The following CPLX2 variants were observed in gnomAD, a reference collection of about 807,000 sequenced individuals.
CPLX2 encodes the protein complexin-2.
CPLX2 carries 5 observed loss-of-function variants against 16.3 expected under a neutral mutation model. The observed-to-expected ratio is 0.31, with a 90% CI of 0.16 to 0.64. CPLX2 has a LOEUF of 0.64. Ranked by LOEUF, CPLX2 falls within the 30% of genes least tolerant of loss-of-function variation. CPLX2 has a pLI of 0.79. For synonymous variants in CPLX2, 89 were observed against 73.2 expected, an observed-to-expected ratio of 1.22 and a Z score of -1.10; for missense variants, 144 against 181.4, an observed-to-expected ratio of 0.79 and a Z score of 1.18.
intron 2 of CPLX2, among the ~76,000 whole-genome samples, chr5:175,854,238 T>C (rs985730581): frequency 6.6e-6 from 1 of 152,194 alleles, no homozygotes; most frequent in Non-Finnish European, 1.5e-5. Context: ...CAGTGAGAAC[T>C]CTTTTCCTTT....
chr5:175,854,806 A>G (rs1759221399), intron 2 of CPLX2, among the ~76,000 whole-genome samples: 1 of 152,200 alleles, frequency 6.6e-6, no homozygotes, highest in Non-Finnish European at 1.5e-5. Context: ...AAACAGGTGT[A>G]CCATGATCCA....
At chr5:175,862,260 C>G (rs533295255) in intron 2 of CPLX2, among the ~76,000 whole-genome samples, 6 of 152,352 alleles carry the variant, frequency 3.9e-5, no homozygotes, top group Admixed American at 2.6e-4. Context: ...AGCTCACAAT[C>G]TAGTAGGGAA....
At chr5:175,871,191 G>C (rs1759583434), upstream of CPLX2, among the ~76,000 whole-genome samples, 1 of 151,790 alleles carries the variant, frequency 6.6e-6, no homozygotes, top group Non-Finnish European at 1.5e-5. Flanking sequence ...CACTCCTCAG[G>C]AGCAGCAAGC....
At chr5:175,869,538 A>G (rs1302454572), upstream of CPLX2, among the ~76,000 whole-genome samples, 1 of 151,766 alleles carries the variant, frequency 6.6e-6, no homozygotes, top group Non-Finnish European at 1.5e-5. Context: ...CAATAGTACT[A>G]CTCTTCCGCT....
chr5:175,835,717 TTATTTATTTAC>T (rs1758817480), intron 2 of CPLX2, among the ~76,000 whole-genome samples: 1 of 147,988 alleles, frequency 6.8e-6, no homozygotes, highest in Admixed American at 6.8e-5. Context: ...ATTTATTTAT[TTATTTATTTAC>T]TTTTTTTTTT....
At chr5:175,821,240 C>T (rs1758502260) in intron 2 of CPLX2, among the ~76,000 whole-genome samples, 1 of 152,074 alleles carries the variant, frequency 6.6e-6, no homozygotes, top group Non-Finnish European at 1.5e-5. Context: ...CAGAGACCCT[C>T]AGCTCTACGC....
At chr5:175,825,497 G>C (rs1758596461) in intron 2 of CPLX2, among the ~76,000 whole-genome samples, 1 of 152,130 alleles carries the variant, frequency 6.6e-6, no homozygotes. Context: ...CTTCCAAGCT[G>C]GCAGAAGCCA....
chr5:175,803,984 A>G (rs1187918963), intron 1 of CPLX2, among the ~76,000 whole-genome samples: 2 of 152,220 alleles, frequency 1.3e-5, no homozygotes, highest in African/African-American at 2.4e-5. Context: ...ACATAAGGCC[A>G]CCAGGACTGG....
At position 175,878,996 on chromosome 5, in the gene CPLX2, G is replaced by C. The variant is rs199844563; in HGVS notation, c.120G>C (p.Ala40=). 3.4e-5 allele frequency: 55 copies of C among 1,599,210 alleles called. No individual in the cohort carries two copies. The Middle Eastern group carries it at 1.2e-3, about 35-fold the overall frequency. ...AAAAGGAGGAGGAGCGGCAGGAGGC[G>C]CTGCGGCAGCAGGAGGAGGAGCGTA... is the stretch of plus-strand genomic sequence containing the variant. ...AQKKEEERQE[A]LRQQEEERKA... The change falls in exon 3 of 4, where the codon GCG becomes GCC. Residue 40 remains alanine, a synonymous_variant. Coordinates refer to ENST00000393745, the MANE Select transcript of CPLX2 (RefSeq NM_001008220.2).
intron 3 of CPLX2, 72 bp downstream of exon 3, chr5:175,879,155 C>G: frequency 6.9e-7 from 1 of 1,453,282 alleles, no homozygotes; most frequent in Non-Finnish European, 9.2e-7. Flanking sequence ...AAAGCCCCTG[C>G]TGGGGCTCCC....
At position 175,836,162 on chromosome 5, in the gene CPLX2, A is replaced by C. The variant is rs894031204; in HGVS notation, c.-89+27094A>C. On this transcript the variant is annotated intron_variant, in intron 2 of 4. Coordinates refer to the CPLX2 transcript ENST00000359546. Reference sequence around the variant, plus strand: ...TCAGGAGATCGAAACCATCCTGGCTAACACGGTGAAACCCCGTCTCTACTA... The same window carrying C: ...TCAGGAGATCGAAACCATCCTGGCTCACACGGTGAAACCCCGTCTCTACTA... Among the ~76,000 whole-genome samples, 12 of 152,248 alleles carry C rather than the reference A, an allele frequency of 7.9e-5. No individual in the cohort carries two copies. In the South Asian group the frequency reaches 8.3e-4, roughly 11 times the overall value.
upstream of CPLX2, among the ~76,000 whole-genome samples, chr5:175,867,264 A>C (rs1002932217): frequency 6.6e-6 from 1 of 152,008 alleles, no homozygotes; most frequent in African/African-American, 2.4e-5. Flanking sequence ...CTGGCTGCAC[A>C]CACACACCCT....
chr5:175,832,906 G>A (rs183703754), intron 2 of CPLX2, among the ~76,000 whole-genome samples: 3 of 152,300 alleles, frequency 2.0e-5, no homozygotes, highest in Admixed American at 6.5e-5. Flanking sequence ...TGTGATCCCA[G>A]CACTTCGGGA....
rs1382492432 is a variant in CPLX2 at position 175,838,808 on chromosome 5, T to C, written c.-89+29740T>C. Among the ~76,000 whole-genome samples, 3 of 152,246 alleles carry C rather than the reference T, an allele frequency of 2.0e-5. No homozygotes were observed. The East Asian group carries it at 5.8e-4, about 29-fold the overall frequency. ...CCAGTGCATCTTCACTCTAACTTTC[T>C]TACCCATTTGGCTTCCAAATCAAAT... On this transcript the variant is annotated intron_variant, in intron 2 of 4. Coordinates refer to the CPLX2 transcript ENST00000359546.
chr5:175,856,094 T>C (rs895523539), intron 2 of CPLX2, among the ~76,000 whole-genome samples: 2 of 152,206 alleles, frequency 1.3e-5, no homozygotes, highest in African/African-American at 4.8e-5. Context: ...ATTCTTGGAC[T>C]AAACAGCCTA....
At chr5:175,874,098 G>A (rs1403246956) in intron 1 of CPLX2, among the ~76,000 whole-genome samples, 1 of 152,214 alleles carries the variant, frequency 6.6e-6, no homozygotes. Flanking sequence ...ACAAGGCCAT[G>A]GGGAGCCATT....
At chr5:175,864,398 A>G (rs773004083) in intron 2 of CPLX2, among the ~76,000 whole-genome samples, 21 of 152,108 alleles carry the variant, frequency 1.4e-4, no homozygotes, top group Admixed American at 2.0e-4. Context: ...TGAGCCTCCA[A>G]TTCCATCTGG....
intron 2 of CPLX2, among the ~76,000 whole-genome samples, chr5:175,857,162 G>T (rs890977623): frequency 3.3e-5 from 5 of 152,034 alleles, no homozygotes; most frequent in African/African-American, 4.8e-5. Flanking sequence ...CTGCCACCTG[G>T]GCTCCATTCT....
Position 175,878,763 on chromosome 5 carries a change from C to T in CPLX2, c.24C>T (p.Ala8=). 1 of 1,613,546 alleles carries T rather than the reference C, an allele frequency of 6.2e-7. No individual in the cohort carries two copies. The highest frequency in any genetic ancestry group is 8.5e-7 in the Non-Finnish European group (1 of 1,179,898). MDFVMKQ[A]LGGATKDMGK... ...GCATGGACTTCGTCATGAAGCAGGC[C>T]CTTGGAGGTGAGGTCCAGCGCCCCT... The change falls in exon 2 of 4, where the codon GCC becomes GCT. Residue 8 remains alanine, a synonymous_variant. Coordinates refer to ENST00000393745, the MANE Select transcript of CPLX2 (RefSeq NM_001008220.2).
Sources: gnomAD v4.1 joint callset for allele counts (sites outside exome capture counted in the v4.1 genomes callset) on GRCh38, gnomAD v4.1.1 for gene constraint, MANE v1.5 for transcripts, NCBI Gene and HGNC (gene_info 2026-07-23, HGNC 2026-07-21) for gene names.